The following HTRA2 variants were observed in gnomAD, a reference collection of about 807,000 sequenced individuals.
The protein encoded by HTRA2 is HtrA serine peptidase 2.
Under a neutral mutation model 42.2 loss-of-function variants are expected in HTRA2, and 24 were observed. The ratio of observed to expected loss-of-function variants is 0.57; its 90% CI spans 0.41 to 0.80. The LOEUF (loss-of-function observed/expected upper bound fraction) is 0.80. Ranked by LOEUF, HTRA2 falls within the 30% of genes least tolerant of loss-of-function variation. The probability of loss-of-function intolerance (pLI) is 0.00; values close to 1 mark genes in which losing one functional copy is unlikely to be tolerated. For missense variants in HTRA2, 466 were observed against 613.5 expected (o/e 0.76, Z 2.54); for synonymous variants, 245 against 255.8 (o/e 0.96, Z 0.40).
At position 74,531,135 on chromosome 2, in the gene HTRA2, T is replaced by C. The variant is rs750046683; in HGVS notation, c.906+30T>C. On this transcript the variant is annotated intron_variant, in intron 3 of 7. Coordinates refer to ENST00000258080, the MANE Select transcript of HTRA2 (RefSeq NM_013247.5). ...GTCCTGATAGGAGAGAAATGACAAA[T>C]GATGGGGGAGGGGGGAGAGGCTGTG... 3.1e-6 allele frequency: 5 copies of C among 1,610,098 alleles called. No homozygotes were observed. The South Asian group carries it at 5.5e-5, about 18-fold the overall frequency.
At position 74,531,097 on chromosome 2, in the gene HTRA2, G is replaced by A. The variant is rs1408839138; in HGVS notation, c.898G>A (p.Ala300Thr). 2 of 1,614,154 alleles carry A rather than the reference G, an allele frequency of 1.2e-6. No individual in the cohort carries two copies. Among genetic ancestry groups the A allele is most frequent in the East Asian group, 4.5e-5 (2 of 44,888 alleles). The change falls in exon 3 of 8, where the codon GCT becomes ACT. Residue 300 changes from alanine to threonine, a missense_variant. Physicochemically the swap from Ala to Thr is moderately conservative, Grantham distance 58. This residue lies in a region of HTRA2 where 115 missense variants were observed against 245.4 expected (regional missense o/e 0.47). Transcript: ENST00000258080. Reference sequence around the variant, plus strand: ...TGTGGAATACATTCAAACTGATGCAGCTATTGATGTGCGTCCTGATAGGAG... The same window carrying A: ...TGTGGAATACATTCAAACTGATGCAACTATTGATGTGCGTCCTGATAGGAG... ...TNVEYIQTDAAIDFGNSGGPL... is the reference protein window; with the variant it reads ...TNVEYIQTDATIDFGNSGGPL...
chr2:74,530,847 G>A lies in HTRA2; in HGVS notation c.711+26G>A. 1 of 1,614,166 alleles carries A rather than the reference G, an allele frequency of 6.2e-7. No individual in the cohort carries two copies. The highest frequency in any genetic ancestry group is 8.5e-7 in the Non-Finnish European group (1 of 1,180,038). On this transcript the variant is annotated intron_variant, in intron 2 of 7. Coordinates refer to ENST00000258080, the MANE Select transcript of HTRA2 (RefSeq NM_013247.5). This position sits in a 1 kb window ranked among gnomAD's most constrained non-coding sequence, Gnocchi z 7.4. ...GTGGGGGCTGGGGTAGGCCAGGTCT[G>A]GTTGGAGCTGCTTATTTGCTCGCAT...
At chr2:74,532,261 C>T (rs908219548) in intron 6 of HTRA2, among the ~76,000 whole-genome samples, 1 of 152,200 alleles carries the variant, frequency 6.6e-6, no homozygotes, top group African/African-American at 2.4e-5. Context: ...AACCTGATTT[C>T]CTACTCCCAT....
chr2:74,530,128 C>T lies in HTRA2; in HGVS notation c.122C>T (p.Ser41Leu), dbSNP rs1247599028. The T allele has an allele frequency of 1.2e-6, 2 of 1,612,118 alleles. No individual in the cohort carries two copies. Among genetic ancestry groups the T allele is most frequent in the Admixed American group, 1.7e-5 (1 of 59,976 alleles). The change falls in exon 1 of 8, where the codon TCA becomes TTA. Residue 41 changes from serine to leucine, a missense_variant. Ser to Leu is a moderately radical substitution (Grantham distance 145). This residue lies in a region of HTRA2 where 222 missense variants were observed against 205.1 expected (regional missense o/e 1.08). Coordinates refer to ENST00000258080, the MANE Select transcript of HTRA2 (RefSeq NM_013247.5). This position sits in a 1 kb window ranked among gnomAD's most constrained non-coding sequence, Gnocchi z 7.4. ...LTPDLRALLT[S>L]GTSDPRARVT... ...CCTGACCTCCGGGCCCTGCTGACGT[C>T]AGGAACTTCTGACCCCCGGGCCCGA... is the stretch of plus-strand genomic sequence containing the variant.
At chr2:74,531,240 G>C in intron 3 of HTRA2, 99 bp from the exon 4 acceptor site, 1 of 1,554,170 alleles carries the variant, frequency 6.4e-7, no homozygotes, top group Non-Finnish European at 8.9e-7. Flanking sequence ...TTATTCATGG[G>C]CTGAGAAAGA....
rs758734142 is a variant in HTRA2 at position 74,531,706 on chromosome 2, A to C, written c.1045+4A>C. ...CTGCATCGTGGGGAAAAGAAGAGTGAGCCTGCCTTATGGGGAAACGGGTTC... is the reference window on the plus strand; with the variant it reads ...CTGCATCGTGGGGAAAAGAAGAGTGCGCCTGCCTTATGGGGAAACGGGTTC... On this transcript the variant is annotated splice_donor_region_variant and intron_variant, in intron 5 of 7. Coordinates refer to ENST00000258080, the MANE Select transcript of HTRA2 (RefSeq NM_013247.5). 1 of 1,613,804 alleles carries C rather than the reference A, an allele frequency of 6.2e-7. No homozygotes were observed. The highest frequency in any genetic ancestry group is 1.3e-5 in the African/African-American group (1 of 74,874).
upstream of HTRA2, chr2:74,529,858 G>A (rs951725140): frequency 1.4e-5 from 20 of 1,420,716 alleles, no homozygotes; most frequent in Admixed American, 1.1e-4. Flanking sequence ...GTGGGGCAGG[G>A]AGGAGTCGGC....
chr2:74,530,863 T>G lies in HTRA2; in HGVS notation c.711+42T>G. ...GCCAGGTCTGGTTGGAGCTGCTTAT[T>G]TGCTCGCATCTTCAGATGACAGGTC... On this transcript the variant is annotated intron_variant, in intron 2 of 7. Coordinates refer to ENST00000258080, the MANE Select transcript of HTRA2 (RefSeq NM_013247.5). The surrounding 1 kb of genome is among the most constrained non-coding windows in gnomAD (Gnocchi z 7.4). 6.2e-7 allele frequency: 1 copy of G among 1,614,120 alleles called. No individual in the cohort carries two copies. Among genetic ancestry groups the G allele is most frequent in the African/African-American group, 1.3e-5 (1 of 75,036 alleles).
upstream of HTRA2, chr2:74,529,573 C>T (rs889742276): frequency 1.3e-6 from 2 of 1,562,298 alleles, no homozygotes; most frequent in Non-Finnish European, 1.7e-6. Flanking sequence ...CCCGCCGGGT[C>T]TCTTACCGGT....
At chr2:74,532,758 G>A in intron 7 of HTRA2, 44 bp downstream of exon 7, 2 of 1,611,886 alleles carry the variant, frequency 1.2e-6, no homozygotes, top group Non-Finnish European at 1.7e-6. Context: ...GGCAAGGTGT[G>A]CATGTGTCCT....
At position 74,530,142 on chromosome 2, in the gene HTRA2, C is replaced by T. The variant is rs752569638; in HGVS notation, c.136C>T (p.Pro46Ser). Residue 46 changes from proline to serine, a missense_variant, in exon 1 of 8, where the codon CCC becomes TCC. By Grantham distance (74) the Pro-to-Ser change is moderately conservative. Transcript: ENST00000258080. The surrounding 1 kb of genome is among the most constrained non-coding windows in gnomAD (Gnocchi z 7.4). ...RALLTSGTSD[P>S]RARVTYGTPS... is the part of the protein sequence containing the mutation. ...CCTGCTGACGTCAGGAACTTCTGAC[C>T]CCCGGGCCCGAGTGACTTATGGGAC... is the stretch of plus-strand genomic sequence containing the variant. The T allele has an allele frequency of 3.7e-6, 6 of 1,612,158 alleles. No individual in the cohort carries two copies. The highest frequency in any genetic ancestry group is 3.4e-6 in the Non-Finnish European group (4 of 1,179,374).
At position 74,529,942 on chromosome 2, in the gene HTRA2, G is replaced by A. The variant is rs965436814; in HGVS notation, c.-65G>A. 12 of 1,492,754 alleles carry A rather than the reference G, an allele frequency of 8.0e-6. No homozygotes were observed. Among genetic ancestry groups the A allele is most frequent in the Non-Finnish European group, 1.1e-5 (12 of 1,126,664 alleles). The allele number at this position is 1,492,754 out of a possible 1,614,324, so 92.5% of individuals were successfully genotyped here. The stretch of plus-strand genomic sequence containing the variant: ...CGGCGTGCCCCGCGTCCTACTGTCC[G>A]CCTGCTCGCGTCCTGGGTGCCGCCT... On this transcript the variant is annotated 5_prime_UTR_variant, in exon 1 of 8. Coordinates refer to ENST00000258080, the MANE Select transcript of HTRA2 (RefSeq NM_013247.5).
rs116244977 is a variant in HTRA2 at position 74,531,426 on chromosome 2, G to T, written c.939+55G>T. On this transcript the variant is annotated intron_variant, in intron 4 of 7. Coordinates refer to ENST00000258080, the MANE Select transcript of HTRA2 (RefSeq NM_013247.5). ...CCCTGCCCCAGGTCAGTGTGGGAAGGGTAGGTTTCCCCTAATTCAAGGATG... is the reference window on the plus strand; with the variant it reads ...CCCTGCCCCAGGTCAGTGTGGGAAGTGTAGGTTTCCCCTAATTCAAGGATG... The T allele has an allele frequency of 6.7e-4, 1,076 of 1,607,518 alleles. 10 individuals are homozygous for T. The African/African-American group carries it at 0.013, about 19-fold the overall frequency.
Position 74,531,672 on chromosome 2 carries a change from CGA to C in HTRA2, c.1019_1020del (p.Glu340ValfsTer36). 1 of 1,614,062 alleles carries C rather than the reference CGA, an allele frequency of 6.2e-7. No individual in the cohort carries two copies. The highest frequency in any genetic ancestry group is 8.5e-7 in the Non-Finnish European group (1 of 1,180,034). On this transcript the variant is annotated frameshift_variant, in exon 5 of 8. Coordinates refer to ENST00000258080, the MANE Select transcript of HTRA2 (RefSeq NM_013247.5). LOFTEE classifies it high-confidence loss of function. ...ISFAIPSDRL[R>X]EFLHRGEKKN... ...CTTTGCCATCCCTTCTGATCGTCTT[CGA>C]GAGTTTCTGCATCGTGGGGAAAAGA...
At position 74,531,900 on chromosome 2, in the gene HTRA2, G is replaced by A. The variant is rs1408812738; in HGVS notation, c.1090G>A (p.Val364Met). The part of the protein sequence containing the change: ...ISGSQRRYIG[V>M]MMLTLSPSIL... ...TGGGTCCCAGCGGCGCTACATTGGG[G>A]TGATGATGCTGACCCTGAGTCCCAG... The change falls in exon 6 of 8, where the codon GTG (valine) becomes ATG (methionine). Residue 364 changes from valine to methionine, a missense_variant. Coordinates refer to ENST00000258080, the MANE Select transcript of HTRA2 (RefSeq NM_013247.5). The A allele has an allele frequency of 1.2e-6, 2 of 1,614,010 alleles. No homozygotes were observed. Among genetic ancestry groups the A allele is most frequent in the Non-Finnish European group, 1.7e-6 (2 of 1,180,036 alleles).
intron 4 of HTRA2, 56 bp downstream of exon 4, chr2:74,531,427 G>A (rs750538240): frequency 8.1e-6 from 13 of 1,607,066 alleles, no homozygotes; most frequent in Non-Finnish European, 6.0e-6. Flanking sequence ...TGTGGGAAGG[G>A]TAGGTTTCCC....
chr2:74,533,186 T>TA lies in HTRA2; in HGVS notation c.*207dup. ...AATTATACCTAGCAACATATTATAG[T>TA]AAAAAATGAGGTGGGAGGGCTGGAT... is the stretch of plus-strand genomic sequence containing the variant. On this transcript the variant is annotated 3_prime_UTR_variant, in exon 8 of 8. Coordinates refer to ENST00000258080, the MANE Select transcript of HTRA2 (RefSeq NM_013247.5). The TA allele has an allele frequency of 1.7e-6, 1 of 594,206 alleles. No individual in the cohort carries two copies. The highest frequency in any genetic ancestry group is 3.0e-6 in the Non-Finnish European group (1 of 337,682). 36.8% of individuals were successfully genotyped at this position (594,206 alleles called of 1,614,324 possible).
chr2:74,532,967 C>T lies in HTRA2; in HGVS notation c.1359C>T (p.Thr453=). The part of the protein sequence containing the change: ...RGRETLTLYV[T]PEVTE ...GAGAAACACTGACCTTATATGTGAC[C>T]CCTGAGGTCACAGAATGAATAGATC... Residue 453 remains threonine, a synonymous_variant, in exon 8 of 8, where the codon ACC becomes ACT. Transcript: ENST00000258080. 6.2e-7 allele frequency: 1 copy of T among 1,613,592 alleles called. No homozygotes were observed. The highest frequency in any genetic ancestry group is 8.5e-7 in the Non-Finnish European group (1 of 1,179,860).
upstream of HTRA2, chr2:74,529,750 T>G: frequency 6.7e-7 from 1 of 1,499,042 alleles, no homozygotes; most frequent in Non-Finnish European, 8.8e-7. Flanking sequence ...CCCGAAGTCC[T>G]GAGGCGCGCC....
Sources: gnomAD v4.1 joint callset for allele counts (sites outside exome capture counted in the v4.1 genomes callset) on GRCh38, gnomAD v4.1.1 for gene constraint, gnomAD v4.1.1 regional missense constraint, Gnocchi (gnomAD v3.1) non-coding constraint, MANE v1.5 for transcripts, NCBI Gene and HGNC (gene_info 2026-07-23, HGNC 2026-07-21) for gene names.